Variants in FRMD4A observed in about 807,000 individuals in gnomAD.
FRMD4A encodes FERM domain containing 4A, also known as FERM domain-containing protein 4A.
A neutral mutation model predicts 129.1 loss-of-function variants in FRMD4A; 29 were observed. That is an observed-to-expected ratio of 0.22 (90% CI 0.17 to 0.31). FRMD4A has a LOEUF of 0.31. Ranked by LOEUF, FRMD4A falls within the 10% of genes least tolerant of loss-of-function variation. FRMD4A has a pLI of 1.00. For synonymous variants in FRMD4A, 634 were observed against 571.6 expected, an observed-to-expected ratio of 1.11 and a Z score of -1.56; for missense variants, 1,272 against 1,375.8, an observed-to-expected ratio of 0.92 and a Z score of 1.19.
intron 21 of FRMD4A, 39 bp downstream of exon 21, chr10:13,659,284 G>C (rs748748895): frequency 6.3e-7 from 1 of 1,590,270 alleles, no homozygotes; most frequent in South Asian, 1.1e-5. Context: ...ATTTTAAAAA[G>C]GAAGGCTTGG....
chr10:14,025,850 C>A (rs766055779), intron 2 of FRMD4A, among the ~76,000 whole-genome samples: 6 of 152,162 alleles, frequency 3.9e-5, no homozygotes, highest in Admixed American at 6.5e-5. Flanking sequence ...CACGGGGTAG[C>A]CTGTGTCGGA....
At chr10:14,170,874 T>C (rs1841439399) in intron 2 of FRMD4A, among the ~76,000 whole-genome samples, 2 of 152,094 alleles carry the variant, frequency 1.3e-5, no homozygotes, top group African/African-American at 2.4e-5. Context: ...CCACCTTCTT[T>C]TGATGCCACA....
intron 17 of FRMD4A, among the ~76,000 whole-genome samples, chr10:13,670,043 C>A (rs2083389870): frequency 6.6e-6 from 1 of 152,172 alleles, no homozygotes; most frequent in Admixed American, 6.5e-5. Flanking sequence ...GGCAGCTTTT[C>A]TTCCATAGAT....
At chr10:14,020,248 C>G (rs760655900) in intron 2 of FRMD4A, among the ~76,000 whole-genome samples, 1 of 152,174 alleles carries the variant, frequency 6.6e-6, no homozygotes, top group Non-Finnish European at 1.5e-5. Context: ...CAGCCAGAGA[C>G]GCCCCAGAGT....
intron 2 of FRMD4A, among the ~76,000 whole-genome samples, chr10:14,324,034 G>C (rs542440174): frequency 7.3e-4 from 111 of 152,300 alleles, no homozygotes; most frequent in African/African-American, 2.6e-3. Flanking sequence ...AGCTTCTCCT[G>C]GAGCTCTTTT....
At chr10:14,020,416 C>T (rs923432871) in intron 2 of FRMD4A, among the ~76,000 whole-genome samples, 1 of 152,152 alleles carries the variant, frequency 6.6e-6, no homozygotes, top group Non-Finnish European at 1.5e-5. Flanking sequence ...GGATGACAGC[C>T]TAATGAGCAT....
intron 18 of FRMD4A, 25 bp downstream of exon 18, chr10:13,666,072 T>TG (rs776361929): frequency 1.4e-6 from 2 of 1,445,364 alleles, no homozygotes; most frequent in South Asian, 1.1e-5. Context: ...GGGAGTGGGG[T>TG]GGGGGCAGCC....
intron 2 of FRMD4A, among the ~76,000 whole-genome samples, chr10:14,163,254 A>C (rs542901393): frequency 6.6e-6 from 1 of 152,354 alleles, no homozygotes; most frequent in East Asian, 1.9e-4. Context: ...GAAATGTCTA[A>C]ATTTCAGTTT....
intron 2 of FRMD4A, among the ~76,000 whole-genome samples, chr10:14,063,495 C>A (rs1476585780): frequency 6.6e-6 from 1 of 151,852 alleles, no homozygotes; most frequent in Non-Finnish European, 1.5e-5. Flanking sequence ...AGGAACATAG[C>A]CCAAATTAAA....
In FRMD4A at chr10:14,184,298, A is replaced by ATTTTTTTTTTTTTTTTT. The variant is rs60196881; in HGVS notation, c.45+145759_45+145760insAAAAAAAAAAAAAAAAA. Among the ~76,000 whole-genome samples the ATTTTTTTTTTTTTTTTT allele has an allele frequency of 6.1e-3, 638 of 104,798 alleles. 65 individuals are homozygous for ATTTTTTTTTTTTTTTTT. The highest frequency in any genetic ancestry group is 0.022 in the East Asian group (75 of 3,354). The allele number at this position is 104,798 out of a possible 152,430, so 68.8% of individuals were successfully genotyped here. ...AGGTGCATACCACCACAACCGGTTA[A>ATTTTTTTTTTTTTTTTT]TTTTTTTTTTTTTTTTAGTAGAGAT... On this transcript the variant is annotated intron_variant, in intron 2 of 24. Transcript: ENST00000357447.
intron 2 of FRMD4A, among the ~76,000 whole-genome samples, chr10:13,891,107 C>A (rs572225618): frequency 6.6e-6 from 1 of 152,246 alleles, no homozygotes; most frequent in Non-Finnish European, 1.5e-5. Context: ...AGGGGGTTCC[C>A]TTCTGTTCTC....
rs761911564 is a variant in FRMD4A, at chr10:13,675,059, T to C, written c.1118-15A>G. On this transcript the variant is annotated splice_polypyrimidine_tract_variant and intron_variant, in intron 15 of 24. Transcript: ENST00000357447. The stretch of plus-strand genomic sequence containing the variant: ...TTCCTGAGAACCTGTCGATAAACAG[T>C]GGGGTTACTTGGCCAGCTGACAGGG... 8 of 1,609,632 alleles carry C rather than the reference T, an allele frequency of 5.0e-6. No homozygotes were observed. The South Asian group carries it at 8.8e-5, about 18-fold the overall frequency.
intron 2 of FRMD4A, among the ~76,000 whole-genome samples, chr10:14,261,602 C>T (rs1844804015): frequency 6.6e-6 from 1 of 152,156 alleles, no homozygotes; most frequent in Non-Finnish European, 1.5e-5. Context: ...CAATGCCAAC[C>T]TATCTGATTT....
At position 13,657,448 on chromosome 10, in the gene FRMD4A, G is replaced by T; in HGVS notation, c.2141C>A (p.Ser714Tyr). ...HFRHRSSSLE[S>Y]QGKLLGSEND... is the part of the protein sequence containing the mutation. ...TTCCGAGCCCAGGAGCTTGCCCTGG[G>T]ACTCCAGGCTGGAGCTCCGGTGCCT... The change falls in exon 22 of 25, where the codon TCC becomes TAC. Residue 714 changes from serine (S) to tyrosine (Y), a missense_variant. By Grantham distance (144) the Ser-to-Tyr change is moderately radical (BLOSUM62 -2). Around this residue, in one of 2 missense-constraint regions of FRMD4A, gnomAD observed 972 missense variants for 892.3 expected, o/e 1.09. Coordinates refer to ENST00000357447, the MANE Select transcript of FRMD4A (RefSeq NM_018027.5). 1.2e-6 allele frequency: 2 copies of T among 1,612,290 alleles called. No individual in the cohort carries two copies. Among genetic ancestry groups the T allele is most frequent in the South Asian group, 2.2e-5 (2 of 91,058 alleles).
At chr10:14,243,095 G>A (rs1189604381) in intron 2 of FRMD4A, among the ~76,000 whole-genome samples, 4 of 151,990 alleles carry the variant, frequency 2.6e-5, no homozygotes, top group Non-Finnish European at 1.5e-5. Flanking sequence ...CACACATGCT[G>A]GAATATTATT....
intron 2 of FRMD4A, among the ~76,000 whole-genome samples, chr10:14,053,374 G>A (rs1350274528): frequency 6.6e-6 from 1 of 152,108 alleles, no homozygotes; most frequent in Non-Finnish European, 1.5e-5. Context: ...GAGGATTACG[G>A]GGCAAGGGTG....
intron 2 of FRMD4A, among the ~76,000 whole-genome samples, chr10:14,136,401 T>A (rs929231105): frequency 1.5e-4 from 23 of 152,192 alleles, no homozygotes; most frequent in Non-Finnish European, 8.8e-5. Context: ...GAAATGTAAA[T>A]GGTAGCTTAT....
At chr10:13,875,526 C>T (rs12780145) in intron 2 of FRMD4A, among the ~76,000 whole-genome samples, 7,950 of 152,216 alleles carry the variant, frequency 0.052, 228 homozygotes, top group South Asian at 0.072. Flanking sequence ...AGTTTTGTGT[C>T]GTACTCTTCA....
intron 2 of FRMD4A, among the ~76,000 whole-genome samples, chr10:14,282,791 G>A (rs1034038090): frequency 6.6e-6 from 1 of 152,178 alleles, no homozygotes; most frequent in Non-Finnish European, 1.5e-5. Context: ...TAGCTGTGGT[G>A]AAAATTTAAA....
Sources: gnomAD v4.1 joint callset for allele counts (sites outside exome capture counted in the v4.1 genomes callset) on GRCh38, gnomAD v4.1.1 for gene constraint, gnomAD v4.1.1 regional missense constraint, MANE v1.5 for transcripts, NCBI Gene and HGNC (gene_info 2026-07-23, HGNC 2026-07-21) for gene names.